The following PPFIA1 variants were observed in gnomAD, a reference collection of about 807,000 sequenced individuals.
PPFIA1 encodes the protein PPFI scaffold protein A1.
Under a neutral mutation model 149.9 loss-of-function variants are expected in PPFIA1, and 25 were observed. The observed-to-expected ratio is 0.17, with a 90% CI of 0.12 to 0.23. The LOEUF is 0.23. Ranked by LOEUF, PPFIA1 falls within the 10% of genes least tolerant of loss-of-function variation. The pLI, the probability that PPFIA1 is intolerant of heterozygous loss-of-function variation, is 1.00. For missense variants in PPFIA1, 1,362 were observed against 1,506.5 expected (o/e 0.90, Z 1.59); for synonymous variants, 549 against 552.8 (o/e 0.99, Z 0.10).
intron 2 of PPFIA1, among the ~76,000 whole-genome samples, chr11:70,287,838 G>C (rs2051251391): frequency 6.6e-6 from 1 of 151,856 alleles, no homozygotes; most frequent in Non-Finnish European, 1.5e-5. Context: ...GTAAAGATGA[G>C]GTCTCCCTAT....
chr11:70,293,910 T>C lies in PPFIA1; in HGVS notation c.264+21474T>C, dbSNP rs528640466. ...TTCAGCTCTCTGATTCTTTAAATAC[T>C]CTGTAGTTCCTGCACAGTTCTCTCT... On this transcript the variant is annotated intron_variant, in intron 2 of 27. Coordinates refer to ENST00000253925, the MANE Select transcript of PPFIA1 (RefSeq NM_003626.5). Among the ~76,000 whole-genome samples, 12 of 151,498 alleles carry C rather than the reference T, an allele frequency of 7.9e-5. No homozygotes were observed. In the East Asian group the frequency reaches 1.8e-3, roughly 22 times the overall value.
In PPFIA1 at chr11:70,374,919, C is replaced by T. The variant is rs143244039; in HGVS notation, c.3141C>T (p.Asp1047=). The change falls in exon 24 of 28, where the codon GAC becomes GAT. Residue 1047 remains aspartate (D), a splice_region_variant and synonymous_variant. Transcript: ENST00000253925. ...KREESQSEIK[D]VLVWSNDRVI... is the part of the protein sequence containing the mutation. ...ATAATTGTCTTTATTCTTTTGCAGA[C>T]GTGCTTGTTTGGAGCAATGATCGAG... The T allele has an allele frequency of 1.3e-4, 205 of 1,610,594 alleles. No homozygotes were observed. The highest frequency in any genetic ancestry group is 2.1e-4 in the South Asian group (19 of 90,488).
intron 2 of PPFIA1, among the ~76,000 whole-genome samples, chr11:70,296,871 A>T (rs140910876): frequency 0.01 from 1,586 of 152,220 alleles, 24 homozygotes; most frequent in Admixed American, 0.021. Flanking sequence ...GTGTAAGAGC[A>T]TGGCCTCTGG....
At chr11:70,330,444 T>C in intron 8 of PPFIA1, 125 bp downstream of exon 8, 1 of 811,684 alleles carries the variant, frequency 1.2e-6, no homozygotes, top group Non-Finnish European at 1.8e-6. Context: ...CTTAGAATAT[T>C]ATGTTCAAGA....
At chr11:70,359,586 T>G (rs907906665) in intron 19 of PPFIA1, among the ~76,000 whole-genome samples, 5 of 152,182 alleles carry the variant, frequency 3.3e-5, no homozygotes, top group African/African-American at 1.2e-4. Context: ...AGCTTCAGTC[T>G]TAAGAAAGTA....
intron 16 of PPFIA1, among the ~76,000 whole-genome samples, chr11:70,352,820 C>T (rs1378470947): frequency 1.5e-5 from 2 of 132,104 alleles, no homozygotes; most frequent in Non-Finnish European, 3.2e-5. Flanking sequence ...GTGGAGGTGT[C>T]GGAGGGCGGC....
chr11:70,361,222 A>T (rs1182238129), intron 19 of PPFIA1, among the ~76,000 whole-genome samples: 1 of 152,208 alleles, frequency 6.6e-6, no homozygotes, highest in African/African-American at 2.4e-5. Flanking sequence ...ATGAGCATGT[A>T]TAGTCGTCTC....
chr11:70,356,039 C>A, intron 18 of PPFIA1, 122 bp from the exon 19 acceptor site: 1 of 1,047,896 alleles, frequency 9.5e-7, no homozygotes, highest in Non-Finnish European at 1.5e-6. Flanking sequence ...GTTGTCTAGT[C>A]AGAAACTTAG....
chr11:70,286,412 C>T (rs1379257765), intron 2 of PPFIA1, among the ~76,000 whole-genome samples: 1 of 152,116 alleles, frequency 6.6e-6, no homozygotes, highest in Non-Finnish European at 1.5e-5. Context: ...CCACCGCGCC[C>T]TGCTAATTTT....
rs148501087 is a variant in PPFIA1 at position 70,369,833 on chromosome 11, C to T, written c.2866-2382C>T. Among the ~76,000 whole-genome samples the T allele has an allele frequency of 6.0e-3, 912 of 152,252 alleles. 10 individuals carry two copies. Among genetic ancestry groups the T allele is most frequent in the African/African-American group, 0.02 (824 of 41,564 alleles). ...TGTGTTTGTTTTTGAGACAAGGTCTCGCTGTGTTGCCCAGGCTGGTCTCAG... is the reference window on the plus strand; with the variant it reads ...TGTGTTTGTTTTTGAGACAAGGTCTTGCTGTGTTGCCCAGGCTGGTCTCAG... On this transcript the variant is annotated intron_variant, in intron 21 of 27. Transcript: ENST00000253925.
At chr11:70,348,160 G>A in intron 15 of PPFIA1, 29 bp from the exon 16 acceptor site, 1 of 1,602,708 alleles carries the variant, frequency 6.2e-7, no homozygotes, top group Non-Finnish European at 8.5e-7. Flanking sequence ...GCCGAAACAG[G>A]AGGACTGACT....
chr11:70,281,354 G>C (rs1219364367), intron 2 of PPFIA1, among the ~76,000 whole-genome samples: 1 of 152,176 alleles, frequency 6.6e-6, no homozygotes, highest in African/African-American at 2.4e-5. Context: ...AGTTGAAGCT[G>C]CCTTCCCCCA....
chr11:70,301,893 A>G (rs1480217323), intron 2 of PPFIA1, among the ~76,000 whole-genome samples: 1 of 152,250 alleles, frequency 6.6e-6, no homozygotes, highest in Non-Finnish European at 1.5e-5. Context: ...CCGTGCAGTA[A>G]TGTGAGCTGT....
At chr11:70,362,687 T>A (rs997783327) in intron 21 of PPFIA1, 199 bp downstream of exon 21, 7 of 441,484 alleles carry the variant, frequency 1.6e-5, no homozygotes, top group Middle Eastern at 5.9e-4. Context: ...TTAAATGCTT[T>A]TATGAAAGAT....
intron 16 of PPFIA1, among the ~76,000 whole-genome samples, chr11:70,350,383 T>C (rs1474993316): frequency 6.6e-6 from 1 of 152,248 alleles, no homozygotes; most frequent in Non-Finnish European, 1.5e-5. Context: ...CAACTATCTC[T>C]AATAGGTTAT....
At chr11:70,355,052 A>G (rs954283679) in intron 17 of PPFIA1, among the ~76,000 whole-genome samples, 4 of 151,854 alleles carry the variant, frequency 2.6e-5, no homozygotes, top group Non-Finnish European at 5.9e-5. Flanking sequence ...CTACAGGCGC[A>G]CACCACCATG....
intron 2 of PPFIA1, among the ~76,000 whole-genome samples, chr11:70,315,038 G>A (rs1276368427): frequency 2.0e-5 from 3 of 152,272 alleles, no homozygotes; most frequent in Non-Finnish European, 2.9e-5. Flanking sequence ...TCACTATCAC[G>A]AGAACGGCAT....
At chr11:70,307,984 T>A (rs1163782792) in intron 2 of PPFIA1, among the ~76,000 whole-genome samples, 1 of 152,228 alleles carries the variant, frequency 6.6e-6, no homozygotes, top group African/African-American at 2.4e-5. Context: ...GCTACCACTG[T>A]TTTTAAACCT....
rs914036743 is a variant in PPFIA1 at position 70,313,192 on chromosome 11, G to C, written c.265-11210G>C. On this transcript the variant is annotated intron_variant, in intron 2 of 27. Transcript: ENST00000253925. ...AGCTGACTTCTAGAGCGGCCACTCT[G>C]ACCTCTCTTCTGTGTGCTCATGGTG... Among the ~76,000 whole-genome samples, 5 of 152,198 alleles carry C rather than the reference G, an allele frequency of 3.3e-5. No individual in the cohort carries two copies. The East Asian group carries it at 9.6e-4, about 29-fold the overall frequency.
Sources: allele counts gnomAD v4.1 joint callset (sites outside exome capture counted in the v4.1 genomes callset), GRCh38; gene constraint gnomAD v4.1.1; transcripts MANE v1.5; gene names NCBI Gene and HGNC (gene_info 2026-07-23, HGNC 2026-07-21).